RCOR3: variants seen among roughly 807,000 people sequenced by gnomAD.
The protein encoded by RCOR3 is REST corepressor 3.
RCOR3 carries 13 observed loss-of-function variants against 64.1 expected under a neutral mutation model. That is an observed-to-expected ratio of 0.20 (90% CI 0.13 to 0.32). The LOEUF (loss-of-function observed/expected upper bound fraction) is 0.32. Ranked by LOEUF, RCOR3 falls within the 10% of genes least tolerant of loss-of-function variation. The pLI is 1.00. For synonymous variants in RCOR3, 215 were observed against 239.0 expected, an observed-to-expected ratio of 0.90 and a Z score of 0.93; for missense variants, 489 against 701.2, an observed-to-expected ratio of 0.70 and a Z score of 3.42.
intron 7 of RCOR3, among the ~76,000 whole-genome samples, chr1:211,286,121 G>C (rs1698484877): frequency 6.6e-6 from 1 of 152,088 alleles, no homozygotes; most frequent in African/African-American, 2.4e-5. Context: ...TATCTGAAGA[G>C]TTAAGCCCAT....
At chr1:211,268,102 A>G (rs1414945707) in intron 2 of RCOR3, among the ~76,000 whole-genome samples, 1 of 152,210 alleles carries the variant, frequency 6.6e-6, no homozygotes, top group African/African-American at 2.4e-5. Flanking sequence ...TCTATTAAGT[A>G]GGATTTAAAT....
chr1:211,313,709 G>A lies in RCOR3; in HGVS notation c.1603G>A (p.Gly535Ser). 1 of 1,614,120 alleles carries A rather than the reference G, an allele frequency of 6.2e-7. No homozygotes were observed. Among genetic ancestry groups the A allele is most frequent in the Non-Finnish European group, 8.5e-7 (1 of 1,180,024 alleles). Residue 535 changes from glycine to serine, a missense_variant, in exon 12 of 12, where the codon GGT (glycine) becomes AGT (serine). Gly to Ser is a moderately conservative substitution (Grantham distance 56, BLOSUM62 0). This residue lies in a region of RCOR3 where 402 missense variants were observed against 617.0 expected (regional missense o/e 0.65). Transcript: ENST00000419091. The surrounding 1 kb of genome is among the most constrained non-coding windows in gnomAD (Gnocchi z 4.7). ...NPRPVLSTVG[G>S]QQPPSLIGIQ... is the part of the protein sequence containing the mutation. The stretch of plus-strand genomic sequence containing the variant: ...AAGACCGGTGTTGTCCACGGTTGGT[G>A]GTCAACAGCCACCATCACTTATTGG...
At chr1:211,288,541 AATT>A (rs1698844696) in intron 7 of RCOR3, among the ~76,000 whole-genome samples, 1 of 146,800 alleles carries the variant, frequency 6.8e-6, no homozygotes, top group African/African-American at 2.5e-5. Flanking sequence ...TAAATTATAA[AATT>A]ATTTATAAAT....
At chr1:211,262,439 C>T (rs1472090171) in intron 2 of RCOR3, among the ~76,000 whole-genome samples, 1 of 152,078 alleles carries the variant, frequency 6.6e-6, no homozygotes, top group Non-Finnish European at 1.5e-5. Flanking sequence ...TGGATATATT[C>T]ACACCTTTCT....
intron 3 of RCOR3, among the ~76,000 whole-genome samples, chr1:211,273,411 T>G (rs914505421): frequency 7.2e-5 from 11 of 152,198 alleles, no homozygotes; most frequent in African/African-American, 2.7e-4. Flanking sequence ...AGAATCAGGA[T>G]TCTTAACCAC....
Position 211,259,491 on chromosome 1 carries a change from T to G in RCOR3, c.-70T>G. 1 of 1,475,196 alleles carries G rather than the reference T, an allele frequency of 6.8e-7. No homozygotes were observed. The allele number at this position is 1,475,196 out of a possible 1,614,324, so 91.4% of individuals were successfully genotyped here. ...CTCCTCCTTTCCCTCCCGCCCGCGC[T>G]CTAAGCCATCTCCGCCTTCACCCTG... On this transcript the variant is annotated 5_prime_UTR_variant, in exon 1 of 12. Transcript: ENST00000419091.
At position 211,313,673 on chromosome 1, in the gene RCOR3, C is replaced by T. The variant is rs767056463; in HGVS notation, c.1567C>T (p.Arg523Cys). 30 of 1,614,076 alleles carry T rather than the reference C, an allele frequency of 1.9e-5. No individual in the cohort carries two copies. The highest frequency in any genetic ancestry group is 2.3e-5 in the Non-Finnish European group (27 of 1,180,040). Reference sequence around the variant, plus strand: ...TCGCCCTGCTAATTCCATGCCACCCCGTCTAAACCCAAGACCGGTGTTGTC... The same window carrying T: ...TCGCCCTGCTAATTCCATGCCACCCTGTCTAAACCCAAGACCGGTGTTGTC... ...LIRPANSMPP[R>C]LNPRPVLSTV... The change falls in exon 12 of 12, where the codon CGT (arginine) becomes TGT (cysteine). Residue 523 changes from arginine (R) to cysteine (C), a missense_variant. By Grantham distance (180) the Arg-to-Cys change is radical (BLOSUM62 -3). This residue lies in a region of RCOR3 where 402 missense variants were observed against 617.0 expected (regional missense o/e 0.65). Transcript: ENST00000419091. This position sits in a 1 kb window ranked among gnomAD's most constrained non-coding sequence, Gnocchi z 4.7.
At chr1:211,268,477 T>G (rs1020368663) in intron 2 of RCOR3, among the ~76,000 whole-genome samples, 2 of 149,202 alleles carry the variant, frequency 1.3e-5, no homozygotes, top group Non-Finnish European at 3.0e-5. Context: ...CCTCCCAGGT[T>G]CAAGTGATTA....
At position 211,313,948 on chromosome 1, in the gene RCOR3, T is replaced by C; in HGVS notation, c.*180T>C. ...AATTTTTCAGTTCACTAGACTAAAA[T>C]GTTTTACAACAAAAAGCCTCCAGTT... On this transcript the variant is annotated 3_prime_UTR_variant, in exon 12 of 12. Transcript: ENST00000419091. The surrounding 1 kb of genome is among the most constrained non-coding windows in gnomAD (Gnocchi z 4.7). 1 of 620,106 alleles carries C rather than the reference T, an allele frequency of 1.6e-6. No homozygotes were observed. The allele number at this position is 620,106 out of a possible 1,614,324, so 38.4% of individuals were successfully genotyped here.
chr1:211,280,278 A>G (rs1697597388), intron 7 of RCOR3, among the ~76,000 whole-genome samples: 1 of 152,138 alleles, frequency 6.6e-6, no homozygotes, highest in Non-Finnish European at 1.5e-5. Context: ...GCTCCCTTAA[A>G]TTCCAGCCCT....
intron 8 of RCOR3, among the ~76,000 whole-genome samples, chr1:211,293,988 G>A (rs1699552899): frequency 6.6e-6 from 1 of 152,148 alleles, no homozygotes; most frequent in Non-Finnish European, 1.5e-5. Flanking sequence ...GCCTTAGGAA[G>A]GTTTCTTAAC....
intron 10 of RCOR3, among the ~76,000 whole-genome samples, chr1:211,308,684 G>GTTTTTTTTTTTTTTTTTTT (rs71585833): frequency 4.8e-5 from 2 of 42,058 alleles, no homozygotes; most frequent in African/African-American, 7.7e-5. Flanking sequence ...TTTTTTTTTT[G>GTTTTTTTTTTTTTTTTTTT]TTTTTTTTTT....
At chr1:211,303,163 C>T (rs766096481) in intron 9 of RCOR3, 2 of 152,134 alleles carry the variant, frequency 1.3e-5, no homozygotes, top group Non-Finnish European at 2.9e-5. Flanking sequence ...AGGTTTTTCT[C>T]TCCTTAATTC....
At chr1:211,259,918 G>A (rs1693899813) in intron 1 of RCOR3, 190 bp from the exon 2 acceptor site, 1 of 644,676 alleles carries the variant, frequency 1.6e-6, no homozygotes, top group South Asian at 3.3e-5. Flanking sequence ...CCAATCCTCC[G>A]CCTTTGCCCC....
At chr1:211,281,178 G>A (rs1697757876) in intron 7 of RCOR3, among the ~76,000 whole-genome samples, 1 of 152,006 alleles carries the variant, frequency 6.6e-6, no homozygotes, top group Non-Finnish European at 1.5e-5. Flanking sequence ...TGTGCTTTCT[G>A]TATCAAATTA....
At chr1:211,291,059 C>T (rs1699192470) in intron 8 of RCOR3, among the ~76,000 whole-genome samples, 1 of 151,724 alleles carries the variant, frequency 6.6e-6, no homozygotes, top group Admixed American at 6.6e-5. Context: ...TTACAGTAGT[C>T]CTCCCTTAAT....
At chr1:211,282,622 C>T (rs1215899893) in intron 7 of RCOR3, among the ~76,000 whole-genome samples, 1 of 151,994 alleles carries the variant, frequency 6.6e-6, no homozygotes, top group Non-Finnish European at 1.5e-5. Flanking sequence ...CCTCAGCCTC[C>T]CGAGTAGCTG....
At chr1:211,310,303 C>A (rs974913236) in intron 10 of RCOR3, among the ~76,000 whole-genome samples, 30 of 152,086 alleles carry the variant, frequency 2.0e-4, no homozygotes, top group African/African-American at 7.2e-4. Flanking sequence ...GTCCAGCCAT[C>A]CTTCAGGATG....
intron 2 of RCOR3, among the ~76,000 whole-genome samples, chr1:211,266,331 T>G (rs765071661): frequency 2.0e-5 from 3 of 152,192 alleles, no homozygotes; most frequent in Non-Finnish European, 4.4e-5. Context: ...GTCTAGATTT[T>G]TATTTTTATT....
Sources: allele counts gnomAD v4.1 joint callset (sites outside exome capture counted in the v4.1 genomes callset), GRCh38; gene constraint gnomAD v4.1.1; regional missense constraint gnomAD v4.1.1; non-coding constraint Gnocchi (gnomAD v3.1); transcripts MANE v1.5; gene names NCBI Gene and HGNC (gene_info 2026-07-23, HGNC 2026-07-21).